The following GANAB variants were observed in gnomAD, a reference collection of about 807,000 sequenced individuals.
GANAB encodes the protein glucosidase II alpha subunit.
Under a neutral mutation model 129.9 loss-of-function variants are expected in GANAB, and 35 were observed. The observed-to-expected ratio is 0.27, with a 90% CI of 0.21 to 0.36. GANAB has a LOEUF of 0.36. GANAB is among the 10% of genes least tolerant of loss of function. The pLI is 1.00. For missense variants in GANAB, 939 were observed against 1,221.0 expected (o/e 0.77, Z 3.44); for synonymous variants, 482 against 451.8 (o/e 1.07, Z -0.85).
chr11:62,629,416 C>A lies in GANAB; in HGVS notation c.1835-121G>T, dbSNP rs1943555657. The A allele has an allele frequency of 8.3e-6, 7 of 847,556 alleles. No individual in the cohort carries two copies. In the East Asian group the frequency reaches 9.8e-5, roughly 12 times the overall value. The allele number at this position is 847,556 out of a possible 1,614,324, so 52.5% of individuals were successfully genotyped here. On this transcript the variant is annotated intron_variant, in intron 15 of 23. Coordinates refer to ENST00000356638, the MANE Select transcript of GANAB (RefSeq NM_198334.3). The stretch of plus-strand genomic sequence containing the variant: ...CTGCTGAAGATGCAGTTCACAAGAA[C>A]ATTTGAACAAGGAGTGGACCTCCCA...
chr11:62,642,721 T>G (rs572321585), intron 1 of GANAB, among the ~76,000 whole-genome samples: 3 of 152,084 alleles, frequency 2.0e-5, no homozygotes, highest in African/African-American at 7.2e-5. Flanking sequence ...CGTTGTGTCA[T>G]CGCGCCCCAC....
rs1314209487 is a variant in GANAB, at chr11:62,633,095, A to G, written c.725T>C (p.Met242Thr). The G allele has an allele frequency of 3.7e-6, 6 of 1,610,506 alleles. No homozygotes were observed. In the African/African-American group the frequency reaches 8.0e-5, roughly 22 times the overall value. The change falls in exon 8 of 24, where the codon ATG (methionine) becomes ACG (threonine). Residue 242 changes from methionine (M) to threonine (T), a missense_variant. By Grantham distance (81) the Met-to-Thr change is moderately conservative. Coordinates refer to ENST00000356638, the MANE Select transcript of GANAB (RefSeq NM_198334.3). ...THSDSKPYGP[M>T]SVGLDFSLPG... ...CAGAGAGAAGTCCAAACCCACAGAC[A>G]TGGGGCCTGGAAGAAAAACAAACAA...
At chr11:62,632,859 CA>C in intron 8 of GANAB, 114 bp from the exon 9 acceptor site, 1 of 1,056,208 alleles carries the variant, frequency 9.5e-7, no homozygotes. Context: ...TGTCCTTTCT[CA>C]AAAAATTTTC....
At chr11:62,642,936 G>C (rs988703469) in intron 1 of GANAB, among the ~76,000 whole-genome samples, 5 of 152,114 alleles carry the variant, frequency 3.3e-5, no homozygotes, top group African/African-American at 4.8e-5. Flanking sequence ...GGGATGAAAC[G>C]AACTGAACCC....
rs1403389922 is a variant in GANAB at position 62,626,401 on chromosome 11, T to C, written c.2558A>G (p.Asn853Ser). ...ELFLDDGHTF[N>S]YQTRQEFLLR... ...CAGGAACTCTTGGCGAGTCTGATAG[T>C]TGAACGTGTGCCCATCATCCAGAAA... Residue 853 changes from asparagine (N) to serine (S), a missense_variant, in exon 22 of 24, where the codon AAC becomes AGC. Physicochemically the swap from Asn to Ser is conservative, Grantham distance 46. This residue lies in a region of GANAB where 230 missense variants were observed against 259.9 expected (regional missense o/e 0.89). Transcript: ENST00000356638. 26 of 1,613,656 alleles carry C rather than the reference T, an allele frequency of 1.6e-5. No homozygotes were observed. The highest frequency in any genetic ancestry group is 5.1e-6 in the Non-Finnish European group (6 of 1,179,688).
Position 62,626,048 on chromosome 11 carries a change from C to T in GANAB, c.2725+17G>A. 3 of 1,582,546 alleles carry T rather than the reference C, an allele frequency of 1.9e-6. No individual in the cohort carries two copies. Among genetic ancestry groups the T allele is most frequent in the Non-Finnish European group, 1.7e-6 (2 of 1,151,182 alleles). On this transcript the variant is annotated intron_variant, in intron 23 of 23. Transcript: ENST00000356638. ...TCCCCTCCTTCCCCCATCCTAGGGG[C>T]CAGATTGGTCACTCACCTTTTGTCT...
Position 62,639,444 on chromosome 11 carries a change from C to A in GANAB, c.167G>T (p.Gly56Val), listed in dbSNP as rs1389424073. Reference sequence around the variant, plus strand: ...CAGCAAGGCTCGGTATGGAGAGAGGCCTGGCCGTATGCTTCTCTGTCGCCT... The same window carrying A: ...CAGCAAGGCTCGGTATGGAGAGAGGACTGGCCGTATGCTTCTCTGTCGCCT... ...FCKRQRSIRP[G>V]LSPYRALLDS... The change falls in exon 3 of 24, where the codon GGC becomes GTC. Residue 56 changes from glycine to valine, a missense_variant. Physicochemically the swap from Gly to Val is moderately radical, Grantham distance 109 (BLOSUM62 -3). Transcript: ENST00000356638. 5.0e-6 allele frequency: 8 copies of A among 1,613,494 alleles called. No homozygotes were observed. The highest frequency in any genetic ancestry group is 6.8e-6 in the Non-Finnish European group (8 of 1,179,662).
intron 12 of GANAB, 40 bp from the exon 13 acceptor site, chr11:62,630,316 C>A: frequency 6.2e-7 from 1 of 1,612,244 alleles, no homozygotes; most frequent in Non-Finnish European, 8.5e-7. Context: ...CCCTAAGGGG[C>A]AAAAGAGCCA....
intron 17 of GANAB, 99 bp downstream of exon 17, chr11:62,628,670 G>T: frequency 8.2e-7 from 1 of 1,219,894 alleles, no homozygotes; most frequent in Non-Finnish European, 1.2e-6. Flanking sequence ...TCCTTTACAA[G>T]GCTGTAGTGA....
chr11:62,631,503 G>A (rs993246813), intron 9 of GANAB, among the ~76,000 whole-genome samples: 1 of 146,148 alleles, frequency 6.8e-6, no homozygotes, highest in Non-Finnish European at 1.5e-5. Flanking sequence ...TCACTCTTTT[G>A]CCAGGCTGGA....
At chr11:62,635,792 AT>A (rs1426767124) in intron 4 of GANAB, among the ~76,000 whole-genome samples, 2 of 150,370 alleles carry the variant, frequency 1.3e-5, no homozygotes, top group Non-Finnish European at 1.5e-5. Flanking sequence ...CACCCGGCTA[AT>A]TTTTTTTTGT....
At chr11:62,630,877 G>T (rs750719228) in intron 10 of GANAB, 41 bp from the exon 11 acceptor site, 1 of 1,548,506 alleles carries the variant, frequency 6.5e-7, no homozygotes, top group Non-Finnish European at 8.9e-7. Context: ...CGAGGATCAG[G>T]CCCAACACCC....
rs1212752726 is a variant in GANAB, at chr11:62,633,263, C to T, written c.639G>A (p.Glu213=). Residue 213 remains glutamate (E), a synonymous_variant, in exon 7 of 24, where the codon GAG becomes GAA. Transcript: ENST00000356638. ...CATCTTTCTCTGCCTTCCCCTGAGT[C>T]TCCTCTGGCTGTTAAGAAGAAAAGA... ...ETPRDGDKPE[E]TQGKAEKDEP... is the part of the protein sequence containing the mutation. 6.2e-7 allele frequency: 1 copy of T among 1,613,286 alleles called. No homozygotes were observed. Among genetic ancestry groups the T allele is most frequent in the East Asian group, 2.2e-5 (1 of 44,878 alleles).
At chr11:62,632,216 C>T (rs1282385001) in intron 9 of GANAB, among the ~76,000 whole-genome samples, 2 of 151,796 alleles carry the variant, frequency 1.3e-5, no homozygotes, top group Non-Finnish European at 1.5e-5. Context: ...TCAGGTGATC[C>T]GCCCACCTCA....
intron 4 of GANAB, among the ~76,000 whole-genome samples, chr11:62,635,354 T>C (rs573703279): frequency 6.6e-6 from 1 of 152,086 alleles, no homozygotes; most frequent in East Asian, 1.9e-4. Flanking sequence ...TGGCTAATTT[T>C]GTATTTTTAG....
chr11:62,639,896 T>G, intron 1 of GANAB, 165 bp from the exon 2 acceptor site: 4 of 608,464 alleles, frequency 6.6e-6, no homozygotes, highest in Non-Finnish European at 1.2e-5. Context: ...GGACACAGGG[T>G]TAAGGATCAG....
In GANAB at chr11:62,625,169, G is replaced by C. The variant is rs1943305932; in HGVS notation, c.*646C>G. ...CGTCTTTCTGCCGAGGGACAGAGGA[G>C]GTAGAACTGCCCCTCTAAGAATTGC... is the stretch of plus-strand genomic sequence containing the variant. On this transcript the variant is annotated 3_prime_UTR_variant, in exon 24 of 24. Coordinates refer to ENST00000356638, the MANE Select transcript of GANAB (RefSeq NM_198334.3). The C allele has an allele frequency of 2.2e-6, 1 of 453,772 alleles. No homozygotes were observed. The highest frequency in any genetic ancestry group is 4.4e-6 in the Non-Finnish European group (1 of 226,416). 28.1% of individuals were successfully genotyped at this position (453,772 alleles called of 1,614,324 possible).
rs1163705229 is a variant in GANAB, at chr11:62,632,696, G to A, written c.865C>T (p.Leu289=). Residue 289 remains leucine (L), a synonymous_variant, in exon 9 of 24, where the codon CTG becomes TTG. Coordinates refer to ENST00000356638, the MANE Select transcript of GANAB (RefSeq NM_198334.3). Reference sequence around the variant, plus strand: ...CCATACAAGGCCATTGGGTTGTACAGCTCATACTGGAACACATCCAAATTG... The same window carrying A: ...CCATACAAGGCCATTGGGTTGTACAACTCATACTGGAACACATCCAAATTG... ...LYNLDVFQYE[L]YNPMALYGSV... 4 of 1,613,856 alleles carry A rather than the reference G, an allele frequency of 2.5e-6. No individual in the cohort carries two copies. Among genetic ancestry groups the A allele is most frequent in the Non-Finnish European group, 3.4e-6 (4 of 1,179,764 alleles).
chr11:62,644,023 C>T (rs963021307), intron 1 of GANAB, among the ~76,000 whole-genome samples: 1 of 152,200 alleles, frequency 6.6e-6, no homozygotes, highest in African/African-American at 2.4e-5. Context: ...TGGCTCACCG[C>T]AACCTCTGCC....
Sources: allele counts gnomAD v4.1 joint callset (sites outside exome capture counted in the v4.1 genomes callset), GRCh38; gene constraint gnomAD v4.1.1; regional missense constraint gnomAD v4.1.1; transcripts MANE v1.5; gene names NCBI Gene and HGNC (gene_info 2026-07-23, HGNC 2026-07-21).